The following PCDHA8 variants were observed in gnomAD, a reference collection of about 807,000 sequenced individuals.
PCDHA8 encodes protocadherin alpha-8.
Under a neutral mutation model 61.8 loss-of-function variants are expected in PCDHA8, and 53 were observed. The observed-to-expected ratio is 0.86, with a 90% CI of 0.69 to 1.08. The LOEUF (loss-of-function observed/expected upper bound fraction) is 1.08, where lower values mean the gene tolerates loss of function less well. Ranked by LOEUF, PCDHA8 falls within the 50% of genes least tolerant of loss-of-function variation. The pLI is 0.00. For synonymous variants in PCDHA8, 618 were observed against 556.6 expected (o/e 1.11, Z -1.55); for missense variants, 1,293 against 1,245.0 (o/e 1.04, Z -0.58).
intron 1 of PCDHA8, chr5:140,929,151 T>C: frequency 6.2e-7 from 1 of 1,614,202 alleles, no homozygotes; most frequent in East Asian, 2.2e-5. Context: ...TTTCTCAGAC[T>C]TATCTCTATC....
In PCDHA8 at chr5:140,882,450, C is replaced by A. The variant is rs781827745; in HGVS notation, c.2394+38735C>A. On this transcript the variant is annotated intron_variant, in intron 1 of 3. Transcript: ENST00000531613. ...GGGCTGGAGCTGGCGGAGCTGGTGC[C>A]GCGCCTGTTCCGGGTGGCGTCCAAA... The A allele has an allele frequency of 1.7e-5, 28 of 1,613,872 alleles. No individual in the cohort carries two copies. In the East Asian group the frequency reaches 4.5e-4, roughly 26 times the overall value.
intron 1 of PCDHA8, among the ~76,000 whole-genome samples, chr5:140,945,632 A>G (rs1258111936): frequency 6.6e-6 from 1 of 152,168 alleles, no homozygotes; most frequent in African/African-American, 2.4e-5. Flanking sequence ...GGCATAAAAG[A>G]CATGTAGACC....
chr5:140,987,433 T>C (rs2097253895), intron 3 of PCDHA8, among the ~76,000 whole-genome samples: 1 of 152,108 alleles, frequency 6.6e-6, no homozygotes. Flanking sequence ...CAGGGGGCCT[T>C]TCCCCATGCC....
intron 1 of PCDHA8, among the ~76,000 whole-genome samples, chr5:140,845,336 T>C (rs2150378543): frequency 6.7e-6 from 1 of 149,694 alleles, no homozygotes; most frequent in Non-Finnish European, 1.5e-5. Context: ...TACTGAATTC[T>C]CCTAAACATT....
chr5:140,875,752 A>G lies in PCDHA8; in HGVS notation c.2394+32037A>G, dbSNP rs782489258. On this transcript the variant is annotated intron_variant, in intron 1 of 3. Transcript: ENST00000531613. ...TGTGAATTCTCGGATCGACCGCGAGAAGCTGTGCGGGCGGAGCGCGGAGTG... is the reference window on the plus strand; with the variant it reads ...TGTGAATTCTCGGATCGACCGCGAGGAGCTGTGCGGGCGGAGCGCGGAGTG... 53 of 1,614,084 alleles carry G rather than the reference A, an allele frequency of 3.3e-5. No homozygotes were observed. The highest frequency in any genetic ancestry group is 3.2e-4 in the African/African-American group (24 of 74,918).
At chr5:140,986,532 C>G (rs1298199477) in intron 3 of PCDHA8, among the ~76,000 whole-genome samples, 2 of 152,184 alleles carry the variant, frequency 1.3e-5, no homozygotes, top group Non-Finnish European at 2.9e-5. Context: ...GGGAACTGGC[C>G]TGGCTTCAGT....
chr5:140,967,976 C>T (rs2096205972), intron 1 of PCDHA8: 3 of 1,614,222 alleles, frequency 1.9e-6, no homozygotes, highest in Non-Finnish European at 2.5e-6. Context: ...GAGCCTGGGT[C>T]TGGAGGCCAC....
At chr5:140,974,379 T>G (rs2096625482) in intron 1 of PCDHA8, among the ~76,000 whole-genome samples, 1 of 152,250 alleles carries the variant, frequency 6.6e-6, no homozygotes, top group South Asian at 2.1e-4. Flanking sequence ...TCTGTTGTAC[T>G]GGAACCCATT....
intron 1 of PCDHA8, among the ~76,000 whole-genome samples, chr5:140,916,847 C>G (rs1276107761): frequency 6.6e-6 from 1 of 152,116 alleles, no homozygotes; most frequent in Non-Finnish European, 1.5e-5. Flanking sequence ...GAGCCCAGCC[C>G]AGCACTAGGA....
intron 3 of PCDHA8, among the ~76,000 whole-genome samples, chr5:141,005,325 A>G (rs1430982331): frequency 6.6e-6 from 1 of 152,226 alleles, no homozygotes; most frequent in Non-Finnish European, 1.5e-5. Context: ...GTAGAGAATA[A>G]TAGGCCAAGG....
At chr5:140,895,863 G>A (rs1450764434) in intron 1 of PCDHA8, among the ~76,000 whole-genome samples, 3 of 152,162 alleles carry the variant, frequency 2.0e-5, no homozygotes, top group African/African-American at 7.2e-5. Flanking sequence ...CCAGGCTGGA[G>A]TGCAATGGCG....
At chr5:140,870,590 G>A (rs1238282556) in intron 1 of PCDHA8, 3 of 1,613,446 alleles carry the variant, frequency 1.9e-6, no homozygotes, top group Non-Finnish European at 2.5e-6. Flanking sequence ...CTGGTGGAGC[G>A]GCGGTTGGGC....
chr5:140,927,421 G>A, intron 1 of PCDHA8: 2 of 1,614,208 alleles, frequency 1.2e-6, no homozygotes, highest in South Asian at 1.1e-5. Flanking sequence ...GGGATCGCGG[G>A]TTGACGGCAG....
intron 1 of PCDHA8, chr5:140,851,052 C>A (rs571650734): frequency 1.4e-6 from 2 of 1,383,936 alleles, no homozygotes; most frequent in Admixed American, 2.8e-5. Context: ...CCGACTTTGT[C>A]TTGACTTCTA....
chr5:140,848,112 A>G, intron 1 of PCDHA8: 1 of 176,234 alleles, frequency 5.7e-6, no homozygotes, highest in South Asian at 1.5e-4. Context: ...GGATAAGAAA[A>G]CCACAATCAA....
chr5:140,841,934 G>T lies in PCDHA8; in HGVS notation c.613G>T (p.Ala205Ser), dbSNP rs1281777181. 5 of 1,613,780 alleles carry T rather than the reference G, an allele frequency of 3.1e-6. No individual in the cohort carries two copies. In the African/African-American group the frequency reaches 6.7e-5, roughly 22 times the overall value. ...AAGAAAATCCTTGGACAGAGAGGAC[G>T]CTCCTGCGCACCACTTATTCCTGAC... ...VLRKSLDRED[A>S]PAHHLFLTAT... is the part of the protein sequence containing the mutation. The change falls in exon 1 of 4, where the codon GCT (alanine) becomes TCT (serine). Residue 205 changes from alanine (A) to serine (S), a missense_variant. By Grantham distance (99) the Ala-to-Ser change is moderately conservative. Transcript: ENST00000531613.
intron 1 of PCDHA8, among the ~76,000 whole-genome samples, chr5:140,879,977 C>T (rs1285167233): frequency 6.6e-6 from 1 of 152,174 alleles, no homozygotes; most frequent in African/African-American, 2.4e-5. Flanking sequence ...AAACTCCTTT[C>T]AAGATCCTTA....
chr5:140,858,998 T>G, intron 1 of PCDHA8: 1 of 151,598 alleles, frequency 6.6e-6, no homozygotes, highest in East Asian at 1.9e-4. Context: ...TTGGTAAAAA[T>G]TTCTTAATCT....
intron 1 of PCDHA8, among the ~76,000 whole-genome samples, chr5:140,899,342 C>T (rs1317774028): frequency 6.6e-6 from 1 of 152,044 alleles, no homozygotes; most frequent in African/African-American, 2.4e-5. Context: ...ATAGATAGCT[C>T]TTATTATTTT....
Sources: gnomAD v4.1 joint callset for allele counts (sites outside exome capture counted in the v4.1 genomes callset) on GRCh38, gnomAD v4.1.1 for gene constraint, MANE v1.5 for transcripts, NCBI Gene and HGNC (gene_info 2026-07-23, HGNC 2026-07-21) for gene names.